Variants in BPIFC observed in about 807,000 individuals in gnomAD.
BPIFC encodes the protein BPI fold containing family C.
A neutral mutation model predicts 57.6 loss-of-function variants in BPIFC; 60 were observed. The ratio of observed to expected loss-of-function variants is 1.04; its 90% CI spans 0.85 to 1.29. The LOEUF is 1.29. Ranked by LOEUF, BPIFC falls within the 50% of genes most tolerant of loss-of-function variation. BPIFC has a pLI of 0.00. For synonymous variants in BPIFC, 243 were observed against 224.5 expected, an observed-to-expected ratio of 1.08 and a Z score of -0.74; for missense variants, 581 against 600.5, an observed-to-expected ratio of 0.97 and a Z score of 0.34.
At chr22:32,439,006 G>C (rs1934487145) in intron 8 of BPIFC, among the ~76,000 whole-genome samples, 1 of 152,038 alleles carries the variant, frequency 6.6e-6, no homozygotes, top group Non-Finnish European at 1.5e-5. Flanking sequence ...AGGGGACCAG[G>C]GTGCAGTGGT....
At chr22:32,429,523 T>TTTTG (rs1569449449) in intron 13 of BPIFC, among the ~76,000 whole-genome samples, 1 of 140,518 alleles carries the variant, frequency 7.1e-6, no homozygotes, top group East Asian at 2.2e-4. Context: ...TTTTTTTTTT[T>TTTTG]TTTTTTTTTT....
intron 13 of BPIFC, among the ~76,000 whole-genome samples, chr22:32,428,297 T>C (rs896938636): frequency 1.4e-5 from 2 of 147,412 alleles, no homozygotes; most frequent in Non-Finnish European, 3.0e-5. Context: ...GTGTGTGTGC[T>C]TTTGGACAGG....
At chr22:32,443,268 A>G (rs1988371) in intron 7 of BPIFC, among the ~76,000 whole-genome samples, 52,084 of 149,884 alleles carry the variant, frequency 0.35, 9,084 homozygotes, top group South Asian at 0.48. Flanking sequence ...GGTTCATGCC[A>G]TTCTCCTGCC....
At chr22:32,462,168 C>CAAAAAAAAAAAAAAA (rs35716277) in intron 1 of BPIFC, among the ~76,000 whole-genome samples, 52 of 53,594 alleles carry the variant, frequency 9.7e-4, no homozygotes, top group South Asian at 1.2e-3. Flanking sequence ...GACTCCATCT[C>CAAAAAAAAAAAAAAA]AAAAAAAAAA....
intron 16 of BPIFC, 117 bp from the exon 17 acceptor site, chr22:32,414,542 C>G: frequency 7.8e-7 from 1 of 1,282,040 alleles, no homozygotes; most frequent in Non-Finnish European, 1.0e-6. Flanking sequence ...GATGGAGTCT[C>G]AAAGGCTGTC....
At chr22:32,419,203 A>G (rs1018024191) in intron 14 of BPIFC, among the ~76,000 whole-genome samples, 159 bp downstream of exon 14, 5 of 152,216 alleles carry the variant, frequency 3.3e-5, no homozygotes, top group Non-Finnish European at 5.9e-5. Flanking sequence ...AATGGGCTCA[A>G]TTGATGAGTA....
intron 8 of BPIFC, 41 bp from the exon 9 acceptor site, chr22:32,437,892 A>G: frequency 8.3e-7 from 1 of 1,203,718 alleles, no homozygotes; most frequent in Non-Finnish European, 1.2e-6. Context: ...CATATTCATT[A>G]AAGGCATAGT....
At chr22:32,460,440 T>C (rs1423794432) in intron 2 of BPIFC, among the ~76,000 whole-genome samples, 3 of 152,024 alleles carry the variant, frequency 2.0e-5, no homozygotes, top group Non-Finnish European at 4.4e-5. Flanking sequence ...AGGCCAAAGG[T>C]TTAGAAATAA....
chr22:32,454,562 C>T (rs1934987516), intron 3 of BPIFC, among the ~76,000 whole-genome samples: 1 of 152,116 alleles, frequency 6.6e-6, no homozygotes, highest in Non-Finnish European at 1.5e-5. Flanking sequence ...GAAAAGTAAC[C>T]TCCATAGTTA....
At chr22:32,427,228 T>C (rs1934094168) in intron 13 of BPIFC, among the ~76,000 whole-genome samples, 1 of 152,194 alleles carries the variant, frequency 6.6e-6, no homozygotes, top group African/African-American at 2.4e-5. Flanking sequence ...TAAATAAACA[T>C]AACAGCCATT....
At chr22:32,423,279 C>T (rs1383792589) in intron 13 of BPIFC, among the ~76,000 whole-genome samples, 2 of 152,136 alleles carry the variant, frequency 1.3e-5, no homozygotes, top group Admixed American at 1.3e-4. Flanking sequence ...GTTTGAATTT[C>T]ATTGTTTCCT....
At chr22:32,414,610 T>G (rs1933617362) in intron 16 of BPIFC, among the ~76,000 whole-genome samples, 185 bp from the exon 17 acceptor site, 2 of 152,072 alleles carry the variant, frequency 1.3e-5, no homozygotes, top group Non-Finnish European at 2.9e-5. Context: ...GTCCCTCGGT[T>G]TCAAGTGATT....
chr22:32,425,901 T>C (rs1443621069), intron 13 of BPIFC, among the ~76,000 whole-genome samples: 1 of 152,202 alleles, frequency 6.6e-6, no homozygotes, highest in Non-Finnish European at 1.5e-5. Flanking sequence ...AACCTTCTCC[T>C]GAAGTAGTCT....
intron 7 of BPIFC, among the ~76,000 whole-genome samples, chr22:32,443,740 C>T (rs1934634775): frequency 6.6e-6 from 1 of 152,174 alleles, no homozygotes; most frequent in South Asian, 2.1e-4. Flanking sequence ...TCTCAGTTTC[C>T]ACATCTGCAA....
intron 5 of BPIFC, among the ~76,000 whole-genome samples, chr22:32,446,536 G>A (rs947937159): frequency 6.6e-6 from 1 of 152,184 alleles, no homozygotes; most frequent in African/African-American, 2.4e-5. Context: ...TGTGGGGAAC[G>A]TGTCATTTCT....
chr22:32,414,723 A>G (rs1933620304), intron 16 of BPIFC, among the ~76,000 whole-genome samples: 1 of 152,096 alleles, frequency 6.6e-6, no homozygotes, highest in Non-Finnish European at 1.5e-5. Context: ...CATTTTGGCC[A>G]GGCTGGTCTC....
At chr22:32,460,691 A>G (rs978295701) in intron 2 of BPIFC, among the ~76,000 whole-genome samples, 4 of 152,208 alleles carry the variant, frequency 2.6e-5, no homozygotes, top group East Asian at 3.8e-4. Context: ...TTAAAGCACC[A>G]TCTTCTTTCT....
intron 13 of BPIFC, among the ~76,000 whole-genome samples, chr22:32,419,803 C>CA (rs34812283): frequency 0.054 from 5,568 of 102,236 alleles, 175 homozygotes; most frequent in African/African-American, 0.079. Context: ...GAGACCCTGT[C>CA]AAAAAAAAAA....
At chr22:32,423,575 TGG>T (rs906302146) in intron 13 of BPIFC, among the ~76,000 whole-genome samples, 32 of 132,760 alleles carry the variant, frequency 2.4e-4, no homozygotes, top group Non-Finnish European at 3.3e-4. Flanking sequence ...TTGTAGGGTG[TGG>T]GTGTGTGTGT....
Sources: allele counts gnomAD v4.1 joint callset (sites outside exome capture counted in the v4.1 genomes callset), GRCh38; gene constraint gnomAD v4.1.1; transcripts MANE v1.5; gene names NCBI Gene and HGNC (gene_info 2026-07-23, HGNC 2026-07-21).